PLPP4: variants seen among roughly 807,000 people sequenced by gnomAD.
PLPP4 encodes the protein phospholipid phosphatase 4.
PLPP4 carries 20 observed loss-of-function variants against 32.2 expected under a neutral mutation model. The ratio of observed to expected loss-of-function variants is 0.62; its 90% CI spans 0.44 to 0.90. The LOEUF is 0.90. Among genes scored for constraint, PLPP4 ranks in the 40% least tolerant of loss-of-function variants. PLPP4 has a pLI of 0.00. For missense variants in PLPP4, 257 were observed against 353.1 expected (o/e 0.73, Z 2.18); for synonymous variants, 127 against 133.0 (o/e 0.95, Z 0.31).
chr10:120,546,888 C>G (rs1847651659), intron 5 of PLPP4, among the ~76,000 whole-genome samples: 1 of 152,076 alleles, frequency 6.6e-6, no homozygotes, highest in Non-Finnish European at 1.5e-5. Flanking sequence ...CCACTGTAAA[C>G]CTGAATGTAA....
chr10:120,459,448 G>C (rs1847942389), intron 1 of PLPP4, among the ~76,000 whole-genome samples: 1 of 152,340 alleles, frequency 6.6e-6, no homozygotes, highest in Middle Eastern at 3.4e-3. Flanking sequence ...GGAGCATGCA[G>C]AAACAGATGA....
intron 5 of PLPP4, among the ~76,000 whole-genome samples, chr10:120,521,320 A>G (rs1846145614): frequency 6.6e-6 from 1 of 152,170 alleles, no homozygotes; most frequent in Non-Finnish European, 1.5e-5. Flanking sequence ...TGCTTTCATG[A>G]GCTTGGCAGA....
chr10:120,521,101 T>G lies in PLPP4; in HGVS notation c.445+6T>G. On this transcript the variant is annotated splice_donor_region_variant and intron_variant, in intron 5 of 6. Transcript: ENST00000398250. Reference sequence around the variant, plus strand: ...CCCCAGCATCCATTCCTCCTGTAAGTTCATGGCTGGGATTCTCTTAATGCC... The same window carrying G: ...CCCCAGCATCCATTCCTCCTGTAAGGTCATGGCTGGGATTCTCTTAATGCC... 6.2e-7 allele frequency: 1 copy of G among 1,613,958 alleles called. No homozygotes were observed. The highest frequency in any genetic ancestry group is 8.5e-7 in the Non-Finnish European group (1 of 1,179,924).
rs554029842 is a variant in PLPP4, at chr10:120,496,425, T to C, written c.57-7393T>C. ...TGGCATATGAACTGTGATAGATACA[T>C]ACCTTGGAACATCCCTAGAGGACCA... is the stretch of plus-strand genomic sequence containing the variant. On this transcript the variant is annotated intron_variant, in intron 1 of 6. Transcript: ENST00000398250. Among the ~76,000 whole-genome samples, 7 of 152,282 alleles carry C rather than the reference T, an allele frequency of 4.6e-5. No homozygotes were observed. In the East Asian group the frequency reaches 1.4e-3, roughly 29 times the overall value.
chr10:120,457,403 G>A, intron 1 of PLPP4, 42 bp downstream of exon 1: 5 of 1,513,190 alleles, frequency 3.3e-6, no homozygotes, highest in Non-Finnish European at 4.4e-6. Context: ...CTGACGCGGG[G>A]GAACAACCGA....
At chr10:120,466,505 T>A (rs1848320804) in intron 1 of PLPP4, among the ~76,000 whole-genome samples, 1 of 152,204 alleles carries the variant, frequency 6.6e-6, no homozygotes, top group African/African-American at 2.4e-5. Flanking sequence ...GCACACGCTT[T>A]ACGGCTCCAT....
intron 5 of PLPP4, among the ~76,000 whole-genome samples, chr10:120,549,959 A>G (rs891764895): frequency 1.3e-5 from 2 of 152,014 alleles, no homozygotes; most frequent in Admixed American, 6.6e-5. Flanking sequence ...TACTGTTTCT[A>G]TTCACAATTT....
chr10:120,523,195 A>G (rs1034055379), intron 5 of PLPP4, among the ~76,000 whole-genome samples: 5 of 152,118 alleles, frequency 3.3e-5, no homozygotes, highest in Admixed American at 6.5e-5. Flanking sequence ...CCAGCTACTC[A>G]GGAGGCTGAG....
At chr10:120,570,845 G>A (rs559169918) in intron 5 of PLPP4, among the ~76,000 whole-genome samples, 24 of 152,200 alleles carry the variant, frequency 1.6e-4, no homozygotes, top group South Asian at 1.0e-3. Context: ...GTAATGCTTT[G>A]CCTATCTACC....
At chr10:120,522,352 C>A (rs937575237) in intron 5 of PLPP4, among the ~76,000 whole-genome samples, 1 of 152,148 alleles carries the variant, frequency 6.6e-6, no homozygotes, top group Non-Finnish European at 1.5e-5. Context: ...TAGCTGGGGG[C>A]AGACACTCTA....
In PLPP4 at chr10:120,457,236, C is replaced by T. The variant is rs1428077547; in HGVS notation, c.-70C>T. On this transcript the variant is annotated 5_prime_UTR_variant, in exon 1 of 7. Coordinates refer to ENST00000398250, the MANE Select transcript of PLPP4 (RefSeq NM_001030059.3). ...CCTCGCCTCCCAGGGTCTGGCGAGC[C>T]GGCGCCGGCCGAGCTGCGGGAGCCG... 1.1e-5 allele frequency: 15 copies of T among 1,305,112 alleles called. No homozygotes were observed. In the East Asian group the frequency reaches 4.2e-4, roughly 37 times the overall value. The allele number at this position is 1,305,112 out of a possible 1,614,324, so 80.8% of individuals were successfully genotyped here. A position where few individuals can be genotyped will look rare whatever the true frequency, so the allele number is the denominator to read the frequency against.
chr10:120,523,022 G>T (rs1846225955), intron 5 of PLPP4, among the ~76,000 whole-genome samples: 1 of 152,226 alleles, frequency 6.6e-6, no homozygotes, highest in African/African-American at 2.4e-5. Flanking sequence ...GATCGGCCAG[G>T]TGCAGTGGCT....
At chr10:120,549,767 G>A (rs1847803173) in intron 5 of PLPP4, among the ~76,000 whole-genome samples, 1 of 151,814 alleles carries the variant, frequency 6.6e-6, no homozygotes, top group African/African-American at 2.4e-5. Context: ...CATCTCAATA[G>A]ATGTGGAAAA....
At chr10:120,458,211 C>A (rs1847880854) in intron 1 of PLPP4, among the ~76,000 whole-genome samples, 1 of 152,200 alleles carries the variant, frequency 6.6e-6, no homozygotes, top group African/African-American at 2.4e-5. Context: ...CTCAGAGCCA[C>A]CCCGCAGCCT....
intron 5 of PLPP4, among the ~76,000 whole-genome samples, chr10:120,538,052 C>CTGTGTGTGTGTGTGTGTGTGTG (rs972974599): frequency 1.3e-3 from 24 of 18,988 alleles, no homozygotes; most frequent in South Asian, 2.0e-3. Flanking sequence ...CTCTCTCTCT[C>CTGTGTGTGTGTGTGTGTGTGTG]TGTGTGTGTG....
intron 5 of PLPP4, among the ~76,000 whole-genome samples, chr10:120,547,745 C>T (rs952613937): frequency 1.6e-4 from 25 of 152,064 alleles, no homozygotes; most frequent in African/African-American, 5.1e-4. Flanking sequence ...ATTGTTTGTT[C>T]ATGAAAACGT....
At position 120,513,996 on chromosome 10, in the gene PLPP4, T is replaced by G. The variant is rs919900711; in HGVS notation, c.251T>G (p.Phe84Cys). ...GACAAGACTGAAATTAAGGAAGCCT[T>G]CTTAGGTAGAGTATTCACAGTTCCT... ...RTDKTEIKEA[F>C]LAVSLALALN... is the part of the protein sequence containing the mutation. The change falls in exon 3 of 7, where the codon TTC (phenylalanine) becomes TGC (cysteine). Residue 84 changes from phenylalanine (F) to cysteine (C), a missense_variant. Physicochemically the swap from Phe to Cys is radical, Grantham distance 205. Coordinates refer to ENST00000398250, the MANE Select transcript of PLPP4 (RefSeq NM_001030059.3). 6.2e-7 allele frequency: 1 copy of G among 1,609,870 alleles called. No homozygotes were observed. Among genetic ancestry groups the G allele is most frequent in the Non-Finnish European group, 8.5e-7 (1 of 1,176,122 alleles).
chr10:120,574,679 A>T (rs936676337), intron 5 of PLPP4, among the ~76,000 whole-genome samples: 3 of 152,180 alleles, frequency 2.0e-5, no homozygotes, highest in Non-Finnish European at 4.4e-5. Context: ...TGCCCTTCAG[A>T]TCTAAGCAGT....
At chr10:120,468,283 T>C (rs1848394346) in intron 1 of PLPP4, among the ~76,000 whole-genome samples, 1 of 65,064 alleles carries the variant, frequency 1.5e-5, no homozygotes, top group African/African-American at 3.3e-5. Flanking sequence ...AAAATAACAA[T>C]GAGTATACAT....
Sources: gnomAD v4.1 joint callset for allele counts (sites outside exome capture counted in the v4.1 genomes callset) on GRCh38, gnomAD v4.1.1 for gene constraint, MANE v1.5 for transcripts, NCBI Gene and HGNC (gene_info 2026-07-23, HGNC 2026-07-21) for gene names.